Variants in MCM9 observed in about 807,000 individuals in gnomAD.
The protein encoded by MCM9 is minichromosome maintenance 9 homologous recombination repair factor.
Under a neutral mutation model 72.8 loss-of-function variants are expected in MCM9, and 55 were observed. The observed-to-expected ratio is 0.76, with a 90% CI of 0.61 to 0.95. MCM9 has a LOEUF of 0.95. Ranked by LOEUF, MCM9 falls within the 40% of genes least tolerant of loss-of-function variation. The probability of loss-of-function intolerance (pLI) is 0.00; values close to 1 mark genes in which losing one functional copy is unlikely to be tolerated. For missense variants in MCM9, 1,279 were observed against 1,377.0 expected (o/e 0.93, Z 1.13); for synonymous variants, 480 against 503.4 (o/e 0.95, Z 0.62).
chr6:118,908,527 AATAG>A (rs1780322784), intron 8 of MCM9: 1 of 152,158 alleles, frequency 6.6e-6, no homozygotes, highest in African/African-American at 2.4e-5. Context: ...GCTTTATTAT[AATAG>A]ATACGTTACT....
At position 118,856,371 on chromosome 6, in the gene MCM9, C is replaced by T; in HGVS notation, c.1325G>A (p.Gly442Asp). The T allele has an allele frequency of 1.3e-6, 2 of 1,529,416 alleles. No homozygotes were observed. Among genetic ancestry groups the T allele is most frequent in the East Asian group, 2.4e-5 (1 of 40,854 alleles). The allele number at this position is 1,529,416 out of a possible 1,614,324, so 94.7% of individuals were successfully genotyped here. A position where few individuals can be genotyped will look rare whatever the true frequency, so the allele number is the denominator to read the frequency against. The change falls in exon 9 of 14, where the codon GGC (glycine) becomes GAC (aspartate). Residue 442 changes from glycine to aspartate, a missense_variant and splice_region_variant. Transcript: ENST00000619706. ...CCATAGATTTTAAAGAAACTCTTAC[C>T]CAGCCTTAGCAACACTTATGGTTTG... The part of the protein sequence containing the change: ...EQQTISVAKA[G>D]LVCKLNTRTT...
At chr6:118,914,318 A>G (rs894651208) in intron 6 of MCM9, among the ~76,000 whole-genome samples, 1 of 152,160 alleles carries the variant, frequency 6.6e-6, no homozygotes, top group Non-Finnish European at 1.5e-5. Context: ...TATCTCTTCC[A>G]TGAATAAAGC....
intron 13 of MCM9, among the ~76,000 whole-genome samples, chr6:118,822,588 A>C (rs1286558624): frequency 6.6e-6 from 1 of 152,204 alleles, no homozygotes; most frequent in Non-Finnish European, 1.5e-5. Context: ...GTCAGGAGGC[A>C]CAGGGGTCAG....
chr6:118,913,777 C>G (rs190875862), intron 6 of MCM9, among the ~76,000 whole-genome samples: 2 of 151,844 alleles, frequency 1.3e-5, no homozygotes, highest in Admixed American at 1.3e-4. Flanking sequence ...TGTTTTTTTT[C>G]TTTTTTGGAG....
Position 118,865,043 on chromosome 6 carries a change from T to C in MCM9, c.1151-8498A>G, listed in dbSNP as rs538439892. ...CCGGCACTTCTTGAGTCTTCTCCCCTGGCTCATGCCAGAGGTAACTCCAGG... is the reference window on the plus strand; with the variant it reads ...CCGGCACTTCTTGAGTCTTCTCCCCCGGCTCATGCCAGAGGTAACTCCAGG... On this transcript the variant is annotated intron_variant, in intron 8 of 13. Coordinates refer to ENST00000619706, the MANE Select transcript of MCM9 (RefSeq NM_017696.3). Among the ~76,000 whole-genome samples the C allele has an allele frequency of 4.6e-5, 7 of 152,308 alleles. No individual in the cohort carries two copies. In the East Asian group the frequency reaches 7.7e-4, roughly 17 times the overall value.
intron 8 of MCM9, among the ~76,000 whole-genome samples, chr6:118,879,922 T>C (rs1424060859): frequency 6.6e-6 from 1 of 151,808 alleles, no homozygotes; most frequent in Non-Finnish European, 1.5e-5. Flanking sequence ...TGGGTCCCTG[T>C]AATCCCAGCC....
chr6:118,819,910 A>T (rs952348919), intron 13 of MCM9, among the ~76,000 whole-genome samples: 20 of 152,112 alleles, frequency 1.3e-4, no homozygotes, highest in African/African-American at 4.8e-4. Context: ...ATCTGCATAG[A>T]GTTGTTTACA....
chr6:118,895,076 C>G (rs560723238), intron 8 of MCM9, among the ~76,000 whole-genome samples: 1 of 152,216 alleles, frequency 6.6e-6, no homozygotes, highest in African/African-American at 2.4e-5. Context: ...GTGGAGTCGC[C>G]GCACTCTCCG....
intron 9 of MCM9, among the ~76,000 whole-genome samples, chr6:118,845,591 T>C (rs190257153): frequency 6.6e-6 from 1 of 152,028 alleles, no homozygotes. Flanking sequence ...GAGCTCTTGA[T>C]GTTTCCTGAA....
At chr6:118,816,475 A>G (rs1773415204) in intron 13 of MCM9, among the ~76,000 whole-genome samples, 181 bp from the exon 14 acceptor site, 1 of 152,214 alleles carries the variant, frequency 6.6e-6, no homozygotes, top group Non-Finnish European at 1.5e-5. Flanking sequence ...AAATCAATAT[A>G]CAATTTACAT....
At chr6:118,859,811 C>T (rs2114696415) in intron 8 of MCM9, among the ~76,000 whole-genome samples, 1 of 152,320 alleles carries the variant, frequency 6.6e-6, no homozygotes, top group Non-Finnish European at 1.5e-5. Context: ...TCAAAAGGAA[C>T]TATTTTACCA....
intron 8 of MCM9, among the ~76,000 whole-genome samples, chr6:118,872,209 C>A (rs561352541): frequency 1.7e-4 from 26 of 151,972 alleles, no homozygotes; most frequent in African/African-American, 5.8e-4. Context: ...GTCCCATTTA[C>A]TCAGGAGGCT....
chr6:118,830,908 C>T (rs148354305), intron 9 of MCM9, among the ~76,000 whole-genome samples: 1 of 152,112 alleles, frequency 6.6e-6, no homozygotes, highest in Admixed American at 6.6e-5. Flanking sequence ...CCTGCCAGAT[C>T]GTAAGTGTGC....
chr6:118,820,043 T>C (rs1162706239), intron 13 of MCM9, among the ~76,000 whole-genome samples: 2 of 152,204 alleles, frequency 1.3e-5, no homozygotes, highest in Non-Finnish European at 2.9e-5. Flanking sequence ...TAGCGGTCTA[T>C]CTATTTTGTT....
intron 9 of MCM9, among the ~76,000 whole-genome samples, chr6:118,839,553 T>C (rs1775207774): frequency 6.6e-6 from 1 of 152,148 alleles, no homozygotes; most frequent in Non-Finnish European, 1.5e-5. Context: ...TTCCTCATCT[T>C]TGTGGATTTA....
rs944918026 is a variant in MCM9, at chr6:118,852,991, T to C, written c.1325+3380A>G. The stretch of plus-strand genomic sequence containing the variant: ...TGTGTATCAGCAGTTTGTTCCTTTA[T>C]ATTGCTAGTAGTATTCCATGGTATG... On this transcript the variant is annotated intron_variant, in intron 9 of 13. Transcript: ENST00000619706. 1.3e-5 allele frequency among the ~76,000 whole-genome samples: 2 copies of C among 152,208 alleles called. 1 individual carries two copies. The highest frequency in any genetic ancestry group is 2.9e-5 in the Non-Finnish European group (2 of 68,020).
At chr6:118,831,257 T>C (rs1485857589) in intron 9 of MCM9, among the ~76,000 whole-genome samples, 2 of 145,246 alleles carry the variant, frequency 1.4e-5, no homozygotes, top group African/African-American at 5.2e-5. Flanking sequence ...GAGGCTGAGT[T>C]GGGAGAATCA....
intron 8 of MCM9, among the ~76,000 whole-genome samples, chr6:118,861,673 C>T (rs1202384242): frequency 1.3e-5 from 2 of 152,154 alleles, no homozygotes; most frequent in Non-Finnish European, 1.5e-5. Context: ...TGAGTGTGTG[C>T]ATCTGGCTGG....
At chr6:118,846,945 C>G (rs1353187658) in intron 9 of MCM9, among the ~76,000 whole-genome samples, 1 of 151,756 alleles carries the variant, frequency 6.6e-6, no homozygotes, top group African/African-American at 2.4e-5. Context: ...TCTCCCTACC[C>G]TGCCCCAAAA....
Sources: allele counts gnomAD v4.1 joint callset (sites outside exome capture counted in the v4.1 genomes callset), GRCh38; gene constraint gnomAD v4.1.1; transcripts MANE v1.5; gene names NCBI Gene and HGNC (gene_info 2026-07-23, HGNC 2026-07-21).